ALK: variants seen among roughly 807,000 people sequenced by gnomAD.
ALK encodes the protein ALK tyrosine kinase receptor.
A neutral mutation model predicts 163.1 loss-of-function variants in ALK; 74 were observed. The observed-to-expected ratio is 0.45, with a 90% CI of 0.38 to 0.55. ALK has a LOEUF of 0.55. Among genes scored for constraint, ALK ranks in the 20% least tolerant of loss-of-function variants. The probability of loss-of-function intolerance (pLI) is 0.00; values close to 1 mark genes in which losing one functional copy is unlikely to be tolerated. For synonymous variants in ALK, 960 were observed against 843.2 expected (o/e 1.14, Z -2.40); for missense variants, 2,063 against 2,105.3 (o/e 0.98, Z 0.39).
chr2:29,313,772 C>G (rs1197293676), intron 8 of ALK, among the ~76,000 whole-genome samples: 1 of 152,078 alleles, frequency 6.6e-6, no homozygotes, highest in Admixed American at 6.5e-5. Context: ...TTATGCTCAT[C>G]TTCTTTGGCT....
chr2:29,417,582 G>A (rs540037403), intron 4 of ALK, among the ~76,000 whole-genome samples: 278 of 152,238 alleles, frequency 1.8e-3, no homozygotes, highest in African/African-American at 6.6e-3. Flanking sequence ...AAAATGACTT[G>A]CCCGAGATCA....
chr2:29,318,182 T>A (rs1666889592), intron 8 of ALK, 122 bp downstream of exon 8: 1 of 783,322 alleles, frequency 1.3e-6, no homozygotes, highest in African/African-American at 1.7e-5. Flanking sequence ...GAGGTGGCCC[T>A]CTTGTTCTCT....
intron 3 of ALK, among the ~76,000 whole-genome samples, chr2:29,594,510 T>C (rs1409705841): frequency 6.8e-6 from 1 of 147,526 alleles, no homozygotes; most frequent in Non-Finnish European, 1.5e-5. Flanking sequence ...CTCACTGCAA[T>C]CTCTGCCTCC....
chr2:29,768,215 T>C (rs1274189541), intron 1 of ALK, among the ~76,000 whole-genome samples: 3 of 152,152 alleles, frequency 2.0e-5, no homozygotes, highest in Non-Finnish European at 2.9e-5. Context: ...AATAAACAGA[T>C]TTAGCAGAGC....
chr2:29,193,950 T>G lies in ALK; in HGVS notation c.4165-28A>C. The G allele has an allele frequency of 1.9e-6, 3 of 1,607,712 alleles. No individual in the cohort carries two copies. In the South Asian group the frequency reaches 3.3e-5, roughly 18 times the overall value. On this transcript the variant is annotated intron_variant, in intron 28 of 28. Transcript: ENST00000389048. ...GCCGTAGGGGAAATTATTAAAACTT[T>G]GAATCAGAGACAAAAAATGTTGGAT...
chr2:29,677,132 C>T (rs1487386092), intron 3 of ALK, among the ~76,000 whole-genome samples: 1 of 149,544 alleles, frequency 6.7e-6, no homozygotes, highest in African/African-American at 2.5e-5. Flanking sequence ...GTTTTTAGTT[C>T]CCTCCCTCCC....
At chr2:29,348,858 C>A (rs556881326) in intron 5 of ALK, among the ~76,000 whole-genome samples, 1 of 152,326 alleles carries the variant, frequency 6.6e-6, no homozygotes, top group South Asian at 2.1e-4. Context: ...TGAGTACTCT[C>A]CATTAAAGGG....
intron 4 of ALK, among the ~76,000 whole-genome samples, chr2:29,461,288 G>C (rs1401492015): frequency 6.6e-6 from 1 of 152,208 alleles, no homozygotes; most frequent in African/African-American, 2.4e-5. Context: ...GTTATCTAGA[G>C]ATCTAGGTAA....
intron 4 of ALK, among the ~76,000 whole-genome samples, chr2:29,521,541 G>T (rs1486977348): frequency 6.6e-6 from 1 of 152,234 alleles, no homozygotes; most frequent in African/African-American, 2.4e-5. Context: ...AACCATAAGA[G>T]AATGCATTTC....
chr2:29,739,240 TAAAAAAAA>T (rs57381961), intron 1 of ALK, among the ~76,000 whole-genome samples: 1 of 40,298 alleles, frequency 2.5e-5, no homozygotes, highest in Admixed American at 4.2e-4. Context: ...CAGTCTCTCT[TAAAAAAAA>T]AAAAAAAAAA....
Position 29,520,845 on chromosome 2 carries a change from C to T in ALK, c.1154+11070G>A, listed in dbSNP as rs1165365517. Among the ~76,000 whole-genome samples, 13 of 152,172 alleles carry T rather than the reference C, an allele frequency of 8.5e-5. No individual in the cohort carries two copies. In the East Asian group the frequency reaches 2.5e-3, roughly 29 times the overall value. ...TACTAATAAACAGCTCAGACTTGAT[C>T]CTGGGTTTCACAGGGATCCCCTAAA... On this transcript the variant is annotated intron_variant, in intron 4 of 28. Coordinates refer to ENST00000389048, the MANE Select transcript of ALK (RefSeq NM_004304.5).
chr2:29,722,200 C>T lies in ALK; in HGVS notation c.668-4503G>A, dbSNP rs532336587. Among the ~76,000 whole-genome samples, 157 of 152,256 alleles carry T rather than the reference C, an allele frequency of 1.0e-3. 1 individual carries two copies. Among genetic ancestry groups the T allele is most frequent in the Admixed American group, 1.5e-3 (23 of 15,286 alleles). Reference sequence around the variant, plus strand: ...GTAGAGGAGGAAACGTCTCCTTTTCCGGCAGCACTTGCTTAGGAACTGTCA... The same window carrying T: ...GTAGAGGAGGAAACGTCTCCTTTTCTGGCAGCACTTGCTTAGGAACTGTCA... On this transcript the variant is annotated intron_variant, in intron 1 of 28. Coordinates refer to ENST00000389048, the MANE Select transcript of ALK (RefSeq NM_004304.5).
intron 1 of ALK, among the ~76,000 whole-genome samples, chr2:29,797,151 A>G (rs1328608908): frequency 6.6e-6 from 1 of 152,174 alleles, no homozygotes; most frequent in Non-Finnish European, 1.5e-5. Flanking sequence ...TTAGATTGCC[A>G]TCATTTTAAA....
intron 3 of ALK, among the ~76,000 whole-genome samples, chr2:29,686,052 C>T (rs572694238): frequency 3.0e-4 from 46 of 152,310 alleles, no homozygotes; most frequent in Middle Eastern, 3.4e-3. Context: ...CTGGGTCAAC[C>T]CAGATCATCC....
chr2:29,812,854 T>G (rs952468116), intron 1 of ALK, among the ~76,000 whole-genome samples: 2 of 152,226 alleles, frequency 1.3e-5, no homozygotes, highest in African/African-American at 4.8e-5. Flanking sequence ...ACACTAGGGC[T>G]GTACATCCCT....
At chr2:29,214,209 C>T (rs1433328988) in intron 23 of ALK, 128 bp from the exon 24 acceptor site, 3 of 779,118 alleles carry the variant, frequency 3.9e-6, no homozygotes, top group East Asian at 5.5e-5. Context: ...GGGGCCTCGG[C>T]CCTGGCTGCA....
Position 29,192,931 on chromosome 2 carries a change from A to G in ALK, c.*293T>C, listed in dbSNP as rs1039329515. The G allele has an allele frequency of 6.5e-6, 3 of 460,544 alleles. No individual in the cohort carries two copies. The highest frequency in any genetic ancestry group is 5.8e-5 in the African/African-American group (3 of 51,526). The allele number at this position is 460,544 out of a possible 1,614,324, so 28.5% of individuals were successfully genotyped here. On this transcript the variant is annotated 3_prime_UTR_variant, in exon 29 of 29. Transcript: ENST00000389048. ...AAGCAGAGCACACACAATTTGAAAG[A>G]AGCATAAGGAAGTATACAACAAACA...
intron 2 of ALK, among the ~76,000 whole-genome samples, chr2:29,703,962 C>T (rs544425735): frequency 4.5e-4 from 68 of 152,266 alleles, no homozygotes; most frequent in Admixed American, 1.1e-3. Context: ...GAACACCAGA[C>T]GGGAGCTGGT....
chr2:29,539,465 T>A (rs1295654879), intron 3 of ALK, among the ~76,000 whole-genome samples: 1 of 152,164 alleles, frequency 6.6e-6, no homozygotes, highest in African/African-American at 2.4e-5. Context: ...TAAGTATAGC[T>A]ATTTCTGTCT....
Sources: gnomAD v4.1 joint callset for allele counts (sites outside exome capture counted in the v4.1 genomes callset) on GRCh38, gnomAD v4.1.1 for gene constraint, MANE v1.5 for transcripts, NCBI Gene and HGNC (gene_info 2026-07-23, HGNC 2026-07-21) for gene names.